The following CHST11 variants were observed in gnomAD, a reference collection of about 807,000 sequenced individuals.
The protein encoded by CHST11 is C4S-1.
Under a neutral mutation model 30.4 loss-of-function variants are expected in CHST11, and 9 were observed. The observed-to-expected ratio is 0.30, with a 90% CI of 0.18 to 0.52. The LOEUF (loss-of-function observed/expected upper bound fraction) is 0.52, where lower values mean the gene tolerates loss of function less well. CHST11 is among the 20% of genes least tolerant of loss of function. The pLI is 0.97. For missense variants in CHST11, 348 were observed against 460.6 expected, an observed-to-expected ratio of 0.76 and a Z score of 2.24; for synonymous variants, 152 against 187.8, an observed-to-expected ratio of 0.81 and a Z score of 1.56.
At chr12:104,681,194 C>T (rs776998239) in intron 2 of CHST11, among the ~76,000 whole-genome samples, 16 of 152,150 alleles carry the variant, frequency 1.1e-4, no homozygotes, top group Non-Finnish European at 2.1e-4. Flanking sequence ...TGTCTAATGA[C>T]TTTGTAATGA....
intron 1 of CHST11, among the ~76,000 whole-genome samples, chr12:104,584,478 A>G (rs1436922021): frequency 6.6e-6 from 1 of 151,802 alleles, no homozygotes; most frequent in African/African-American, 2.4e-5. Flanking sequence ...ACTGGTCTTG[A>G]ACTCCTGACC....
chr12:104,663,769 A>G (rs528706039), intron 2 of CHST11, among the ~76,000 whole-genome samples: 1 of 152,304 alleles, frequency 6.6e-6, no homozygotes, highest in East Asian at 1.9e-4. Context: ...CATAATAAGA[A>G]TGCCCTTCCC....
At chr12:104,476,366 G>A (rs1362971766) in intron 1 of CHST11, among the ~76,000 whole-genome samples, 3 of 151,350 alleles carry the variant, frequency 2.0e-5, no homozygotes, top group Non-Finnish European at 2.9e-5. Context: ...TAATATATGT[G>A]TGTATATATA....
chr12:104,463,053 T>A (rs2135949108), intron 1 of CHST11, among the ~76,000 whole-genome samples: 1 of 152,318 alleles, frequency 6.6e-6, no homozygotes, highest in Admixed American at 6.5e-5. Context: ...TCAGTATTTG[T>A]CTGGTTGAAA....
At chr12:104,490,733 G>T (rs2037736899) in intron 1 of CHST11, among the ~76,000 whole-genome samples, 1 of 152,160 alleles carries the variant, frequency 6.6e-6, no homozygotes, top group Non-Finnish European at 1.5e-5. Flanking sequence ...AGAGAGGATG[G>T]ATTCTTCACC....
At chr12:104,465,003 T>C (rs2037444598) in intron 1 of CHST11, among the ~76,000 whole-genome samples, 1 of 152,212 alleles carries the variant, frequency 6.6e-6, no homozygotes, top group Non-Finnish European at 1.5e-5. Context: ...TGATGGCATC[T>C]CAGCACCGTG....
intron 2 of CHST11, among the ~76,000 whole-genome samples, chr12:104,610,081 G>GTC (rs2039045280): frequency 9.0e-6 from 1 of 110,810 alleles, no homozygotes; most frequent in Non-Finnish European, 2.0e-5. Context: ...GTGTGTGTGT[G>GTC]TGTGTGTGTG....
At chr12:104,559,346 A>G (rs993389673) in intron 1 of CHST11, among the ~76,000 whole-genome samples, 2 of 152,240 alleles carry the variant, frequency 1.3e-5, no homozygotes, top group African/African-American at 2.4e-5. Flanking sequence ...CTGAGCACCT[A>G]CTATGTGCCA....
intron 1 of CHST11, among the ~76,000 whole-genome samples, chr12:104,598,844 G>A (rs1366220333): frequency 6.6e-6 from 1 of 152,142 alleles, no homozygotes; most frequent in Non-Finnish European, 1.5e-5. Context: ...GGTGGGGTGG[G>A]CCTTGACTCA....
At chr12:104,551,378 T>G (rs143234763) in intron 1 of CHST11, among the ~76,000 whole-genome samples, 1 of 152,136 alleles carries the variant, frequency 6.6e-6, no homozygotes, top group Non-Finnish European at 1.5e-5. Flanking sequence ...GCAGGGAAGT[T>G]GGCTGGTTTT....
Position 104,457,405 on chromosome 12 carries a change from C to T in CHST11, c.-7C>T. On this transcript the variant is annotated 5_prime_UTR_variant, in exon 1 of 3. Coordinates refer to ENST00000303694, the MANE Select transcript of CHST11 (RefSeq NM_018413.6). Reference sequence around the variant, plus strand: ...GACACCCCGGTCCCCGCAGCCAGGACAAAGCCATGAAGCCAGCGCTGCTGG... The same window carrying T: ...GACACCCCGGTCCCCGCAGCCAGGATAAAGCCATGAAGCCAGCGCTGCTGG... 1 of 1,609,448 alleles carries T rather than the reference C, an allele frequency of 6.2e-7. No homozygotes were observed.
chr12:104,591,678 G>C (rs1340629751), intron 1 of CHST11: 1 of 152,126 alleles, frequency 6.6e-6, no homozygotes, highest in South Asian at 2.1e-4. Flanking sequence ...GGGCTGGAAA[G>C]CACACCTGTG....
At chr12:104,513,139 T>TGGGGGGGGGGGGGGGGGGGGG (rs1565969846) in intron 1 of CHST11, among the ~76,000 whole-genome samples, 2 of 2,932 alleles carry the variant, frequency 6.8e-4, no homozygotes, top group African/African-American at 1.5e-3. Context: ...GGGGGGGGGT[T>TGGGGGGGGGGGGGGGGGGGGG]GGGGGTGGGG....
chr12:104,466,425 C>T lies in CHST11; in HGVS notation c.118+8896C>T, dbSNP rs147802598. Among the ~76,000 whole-genome samples the T allele has an allele frequency of 2.4e-4, 36 of 152,294 alleles. 2 individuals carry two copies. The highest frequency in any genetic ancestry group is 1.1e-3 in the Admixed American group (17 of 15,304). On this transcript the variant is annotated intron_variant, in intron 1 of 2. Coordinates refer to ENST00000303694, the MANE Select transcript of CHST11 (RefSeq NM_018413.6). ...TTCAAGAACAAATTGATGGCAAAGC[C>T]GGAGAGTGGACCCTATAATGCTGTT... is the stretch of plus-strand genomic sequence containing the variant.
chr12:104,536,755 T>A (rs2038240888), intron 1 of CHST11, among the ~76,000 whole-genome samples: 1 of 152,242 alleles, frequency 6.6e-6, no homozygotes, highest in South Asian at 2.1e-4. Context: ...ATGGTGGTTA[T>A]TACTGTGATG....
intron 2 of CHST11, among the ~76,000 whole-genome samples, chr12:104,675,470 G>C (rs2039732397): frequency 6.6e-6 from 1 of 152,184 alleles, no homozygotes. Context: ...TATGTAATGT[G>C]AGTAGGGTGT....
chr12:104,475,658 T>TTATATATACATATATATATATATA (rs2037550360), intron 1 of CHST11, among the ~76,000 whole-genome samples: 2 of 34,172 alleles, frequency 5.9e-5, no homozygotes, highest in East Asian at 2.0e-3. Flanking sequence ...TAAAGCAGCA[T>TTATATATACATATATATATATATA]TATATATATA....
intron 1 of CHST11, among the ~76,000 whole-genome samples, chr12:104,573,000 G>A (rs111712839): frequency 2.7e-5 from 4 of 150,630 alleles, no homozygotes; most frequent in Non-Finnish European, 5.9e-5. Flanking sequence ...TAAGCTGATA[G>A]GCAACTTCAG....
chr12:104,634,694 G>C (rs150486557), intron 2 of CHST11, among the ~76,000 whole-genome samples: 2 of 152,202 alleles, frequency 1.3e-5, no homozygotes, highest in African/African-American at 4.8e-5. Context: ...CCTCTTCTAG[G>C]TGTCAAGAGG....
Sources: gnomAD v4.1 joint callset for allele counts (sites outside exome capture counted in the v4.1 genomes callset) on GRCh38, gnomAD v4.1.1 for gene constraint, MANE v1.5 for transcripts, NCBI Gene and HGNC (gene_info 2026-07-23, HGNC 2026-07-21) for gene names.